ARHGAP31: variants seen among roughly 807,000 people sequenced by gnomAD.
ARHGAP31 encodes rho GTPase-activating protein 31.
In ARHGAP31, 34 loss-of-function variants were observed where a neutral mutation model predicts 113.9. That is an observed-to-expected ratio of 0.30 (90% CI 0.23 to 0.40). The LOEUF is 0.40. Among genes scored for constraint, ARHGAP31 ranks in the 10% least tolerant of loss-of-function variants. The pLI is 1.00. For synonymous variants in ARHGAP31, 650 were observed against 684.8 expected (o/e 0.95, Z 0.79); for missense variants, 1,548 against 1,767.1 (o/e 0.88, Z 2.22).
chr3:119,401,799 A>G, intron 9 of ARHGAP31, 23 bp from the exon 10 acceptor site: 1 of 1,612,676 alleles, frequency 6.2e-7, no homozygotes, highest in Admixed American at 1.7e-5. Context: ...GCTGCTGACC[A>G]TACACTTGTT....
intron 10 of ARHGAP31, among the ~76,000 whole-genome samples, chr3:119,402,893 C>A (rs1208852855): frequency 1.3e-5 from 2 of 152,176 alleles, no homozygotes; most frequent in Admixed American, 6.5e-5. Context: ...TGGCTAGCAA[C>A]CCTAGCAACG....
intron 10 of ARHGAP31, among the ~76,000 whole-genome samples, chr3:119,403,736 G>T (rs891236111): frequency 1.3e-5 from 2 of 152,190 alleles, no homozygotes; most frequent in Non-Finnish European, 2.9e-5. Context: ...AATGGGTAGG[G>T]TTTCTCCATG....
At chr3:119,372,447 T>C (rs558062431) in intron 3 of ARHGAP31, among the ~76,000 whole-genome samples, 1 of 152,084 alleles carries the variant, frequency 6.6e-6, no homozygotes, top group Non-Finnish European at 1.5e-5. Flanking sequence ...CCACGCCCAC[T>C]AATTTTTGTA....
intron 8 of ARHGAP31, among the ~76,000 whole-genome samples, chr3:119,396,951 CA>C (rs2080555605): frequency 6.6e-6 from 1 of 152,154 alleles, no homozygotes. Flanking sequence ...AAGAAGAGTT[CA>C]GAGAACCCTC....
chr3:119,367,849 T>G (rs1215018250), intron 2 of ARHGAP31, among the ~76,000 whole-genome samples: 23 of 136,684 alleles, frequency 1.7e-4, no homozygotes, highest in South Asian at 2.5e-4. Flanking sequence ...AGAGCGAGAC[T>G]CCATCTCAAA....
At chr3:119,316,532 C>G (rs1021897803) in intron 1 of ARHGAP31, among the ~76,000 whole-genome samples, 10 of 152,214 alleles carry the variant, frequency 6.6e-5, no homozygotes, top group Non-Finnish European at 7.3e-5. Flanking sequence ...AAATCCCTGG[C>G]CAGCTGCCTC....
intron 8 of ARHGAP31, among the ~76,000 whole-genome samples, chr3:119,395,408 C>T (rs1480642696): frequency 6.6e-6 from 1 of 152,170 alleles, no homozygotes; most frequent in African/African-American, 2.4e-5. Context: ...AATACAGGGG[C>T]TCTGTCATGA....
chr3:119,325,227 A>C (rs1366457452), intron 1 of ARHGAP31, among the ~76,000 whole-genome samples: 1 of 152,228 alleles, frequency 6.6e-6, no homozygotes, highest in Admixed American at 6.5e-5. Flanking sequence ...AATTTTGCTT[A>C]AAATTCTTAC....
intron 1 of ARHGAP31, among the ~76,000 whole-genome samples, chr3:119,315,172 T>G (rs9822211): frequency 6.6e-6 from 1 of 152,096 alleles, no homozygotes; most frequent in South Asian, 2.1e-4. Flanking sequence ...ATACTGCTGT[T>G]ACCGTGTTGT....
intron 1 of ARHGAP31, among the ~76,000 whole-genome samples, chr3:119,313,563 C>G (rs1021211922): frequency 6.6e-6 from 1 of 152,224 alleles, no homozygotes; most frequent in Non-Finnish European, 1.5e-5. Flanking sequence ...ATAGTTTAAA[C>G]TTGTTTTCCA....
intron 1 of ARHGAP31, among the ~76,000 whole-genome samples, chr3:119,328,326 CTG>C (rs2079863133): frequency 6.6e-6 from 1 of 152,126 alleles, no homozygotes; most frequent in South Asian, 2.1e-4. Context: ...TTGGAAGGGA[CTG>C]TGAAGGTTGG....
chr3:119,398,850 A>T (rs1339993573), intron 8 of ARHGAP31, among the ~76,000 whole-genome samples: 2 of 152,208 alleles, frequency 1.3e-5, no homozygotes, highest in Non-Finnish European at 2.9e-5. Flanking sequence ...AATGCCCTGG[A>T]GCCTCATGGA....
intron 1 of ARHGAP31, among the ~76,000 whole-genome samples, chr3:119,357,833 T>C (rs2080171459): frequency 1.3e-5 from 2 of 152,246 alleles, no homozygotes; most frequent in South Asian, 2.1e-4. Flanking sequence ...TTTGGATTTA[T>C]ATGTTCTCAT....
chr3:119,319,572 C>T (rs2079764389), intron 1 of ARHGAP31, among the ~76,000 whole-genome samples: 1 of 152,086 alleles, frequency 6.6e-6, no homozygotes, highest in Non-Finnish European at 1.5e-5. Flanking sequence ...CATATCCAAC[C>T]CAAACATTTG....
At chr3:119,298,816 G>T in intron 1 of ARHGAP31, 1 of 192,104 alleles carries the variant, frequency 5.2e-6, no homozygotes. Context: ...ACCGCTGTCA[G>T]GGACATTTCT....
chr3:119,403,044 CTGGG>C (rs1412587036), intron 10 of ARHGAP31, among the ~76,000 whole-genome samples: 1 of 152,188 alleles, frequency 6.6e-6, no homozygotes, highest in Admixed American at 6.5e-5. Flanking sequence ...ACTTGAGTCT[CTGGG>C]TGTGTCTGGA....
intron 1 of ARHGAP31, chr3:119,329,725 G>A (rs2079874662): frequency 1.1e-6 from 1 of 885,450 alleles, no homozygotes; most frequent in African/African-American, 1.8e-5. Context: ...CTCTCAAACA[G>A]AAGATGCCCT....
At chr3:119,386,657 C>T (rs1289015174) in intron 6 of ARHGAP31, among the ~76,000 whole-genome samples, 1 of 152,170 alleles carries the variant, frequency 6.6e-6, no homozygotes, top group African/African-American at 2.4e-5. Flanking sequence ...CCCGGGGGAC[C>T]ACTACCACCA....
At chr3:119,393,752 C>T (rs1451410335) in intron 8 of ARHGAP31, among the ~76,000 whole-genome samples, 161 bp downstream of exon 8, 5 of 152,046 alleles carry the variant, frequency 3.3e-5, no homozygotes, top group Admixed American at 6.5e-5. Context: ...TTAGACTTAC[C>T]AAAAAAATTG....
Sources: gnomAD v4.1 joint callset for allele counts (sites outside exome capture counted in the v4.1 genomes callset) on GRCh38, gnomAD v4.1.1 for gene constraint, MANE v1.5 for transcripts, NCBI Gene and HGNC (gene_info 2026-07-23, HGNC 2026-07-21) for gene names.